SLC26A3: variants seen among roughly 807,000 people sequenced by gnomAD.
SLC26A3 encodes chloride anion exchanger.
A neutral mutation model predicts 85.6 loss-of-function variants in SLC26A3; 64 were observed. That is an observed-to-expected ratio of 0.75 (90% confidence interval 0.61 to 0.92). The LOEUF (loss-of-function observed/expected upper bound fraction) is 0.92. Ranked by LOEUF, SLC26A3 falls within the 40% of genes least tolerant of loss-of-function variation. The pLI is 0.00. For synonymous variants in SLC26A3, 349 were observed against 336.0 expected (o/e 1.04, Z -0.42); for missense variants, 922 against 927.3 (o/e 0.99, Z 0.07).
Position 107,789,630 on chromosome 7 carries a change from A to T in SLC26A3, c.629T>A (p.Ile210Asn). 6.2e-7 allele frequency: 1 copy of T among 1,614,076 alleles called. No individual in the cohort carries two copies. Among genetic ancestry groups the T allele is most frequent in the South Asian group, 1.1e-5 (1 of 91,066 alleles). Reference protein sequence around the residue: ...FVVIYLSESLISGFTTAAAVH... With the variant: ...FVVIYLSESLNSGFTTAAAVH... The stretch of plus-strand genomic sequence containing the variant: ...AGCAGCAGCAGTAGTGAAGCCACTG[A>T]TGAGGGACTCAGACAGGTATATCAC... Residue 210 changes from isoleucine (I) to asparagine (N), a missense_variant, in exon 6 of 21, where the codon ATC becomes AAC. Transcript: ENST00000340010.
At chr7:107,774,748 A>C in intron 16 of SLC26A3, 29 bp downstream of exon 16, 1 of 1,493,564 alleles carries the variant, frequency 6.7e-7, no homozygotes, top group Non-Finnish European at 9.3e-7. Context: ...TTTAGCTATA[A>C]TGCATAGAAA....
intron 18 of SLC26A3, among the ~76,000 whole-genome samples, chr7:107,770,957 C>T (rs1794020615): frequency 1.3e-5 from 2 of 152,160 alleles, no homozygotes; most frequent in African/African-American, 2.4e-5. Flanking sequence ...GGAAAAATTC[C>T]TGAAGAAGGC....
chr7:107,793,585 G>A (rs571488011), intron 3 of SLC26A3, among the ~76,000 whole-genome samples, 157 bp downstream of exon 3: 66 of 152,154 alleles, frequency 4.3e-4, no homozygotes, highest in Non-Finnish European at 7.3e-4. Flanking sequence ...AAGTTAATGG[G>A]TAAGGGATTT....
intron 18 of SLC26A3, among the ~76,000 whole-genome samples, chr7:107,771,273 G>A (rs561980797): frequency 3.3e-5 from 5 of 152,264 alleles, no homozygotes; most frequent in Admixed American, 2.6e-4. Flanking sequence ...TTCTAAAAGC[G>A]TGTATCTGAG....
chr7:107,786,282 G>A (rs775474046), intron 8 of SLC26A3, among the ~76,000 whole-genome samples: 2 of 152,082 alleles, frequency 1.3e-5, no homozygotes, highest in African/African-American at 4.8e-5. Flanking sequence ...TCTTTAAGAG[G>A]AGAAGCAGTT....
Position 107,779,720 on chromosome 7 carries a change from A to G in SLC26A3, c.1355T>C (p.Leu452Pro). 1.2e-6 allele frequency: 2 copies of G among 1,614,104 alleles called. No individual in the cohort carries two copies. Among genetic ancestry groups the G allele is most frequent in the Non-Finnish European group, 1.7e-6 (2 of 1,179,968 alleles). Residue 452 changes from leucine (L) to proline (P), a missense_variant, in exon 12 of 21, where the codon CTG becomes CCG. By Grantham distance (98) the Leu-to-Pro change is moderately conservative. Coordinates refer to ENST00000340010, the MANE Select transcript of SLC26A3 (RefSeq NM_000111.3). Reference sequence around the variant, plus strand: ...TCTGCCTATTTCAGCAAACTGCATCAGCATTCCCTTTAAGTTTCCCAATGC... The same window carrying G: ...TCTGCCTATTTCAGCAAACTGCATCGGCATTCCCTTTAAGTTTCCCAATGC... ...ALALGNLKGMLMQFAEIGRLW... is the reference protein window; with the variant it reads ...ALALGNLKGMPMQFAEIGRLW...
chr7:107,786,874 G>A lies in SLC26A3; in HGVS notation c.924C>T (p.Asp308=), dbSNP rs906309444. The A allele has an allele frequency of 6.2e-7, 1 of 1,614,112 alleles. No individual in the cohort carries two copies. Among genetic ancestry groups the A allele is most frequent in the East Asian group, 2.2e-5 (1 of 44,882 alleles). The change falls in exon 8 of 21, where the codon GAC becomes GAT. Residue 308 remains aspartate (D), a synonymous_variant. Coordinates refer to ENST00000340010, the MANE Select transcript of SLC26A3 (RefSeq NM_000111.3). ...CAGCCACTTTAAACCTGTTTTTAAA[G>A]TCACAGCCGTAGGATACACCTGCTG... ...VIAAGVSYGC[D]FKNRFKVAVV...
At chr7:107,772,419 C>A (rs1477918136) in intron 17 of SLC26A3, among the ~76,000 whole-genome samples, 1 of 152,148 alleles carries the variant, frequency 6.6e-6, no homozygotes, top group Non-Finnish European at 1.5e-5. Flanking sequence ...ATAGTGTCTT[C>A]TTTGGGATGA....
chr7:107,768,669 A>G (rs1271917478), intron 18 of SLC26A3, among the ~76,000 whole-genome samples: 5 of 152,154 alleles, frequency 3.3e-5, no homozygotes, highest in Admixed American at 3.3e-4. Flanking sequence ...TTCCCAGCAC[A>G]TAGTATGTCT....
In SLC26A3 at chr7:107,774,035, C is replaced by T; in HGVS notation, c.1892G>A (p.Trp631Ter). ...AATGTTGAGAGGAAGATCATCATTC[C>T]AGTCAATGTGGAAAGGCAGGTCTGT... ...NTTDLPFHID[W>*]NDDLPLNIEV... The change falls in exon 17 of 21, where the codon TGG (tryptophan) becomes TAG (stop). Residue 631 changes from tryptophan to a stop codon, truncating the protein, a stop_gained. Coordinates refer to ENST00000340010, the MANE Select transcript of SLC26A3 (RefSeq NM_000111.3). LOFTEE classifies it high-confidence loss of function. 6.2e-7 allele frequency: 1 copy of T among 1,614,136 alleles called. No homozygotes were observed. Among genetic ancestry groups the T allele is most frequent in the Non-Finnish European group, 8.5e-7 (1 of 1,179,980 alleles).
At position 107,779,742 on chromosome 7, in the gene SLC26A3, A is replaced by G. The variant is rs777524692; in HGVS notation, c.1333T>C (p.Leu445=). The G allele has an allele frequency of 1.3e-5, 21 of 1,613,848 alleles. No individual in the cohort carries two copies. Among genetic ancestry groups the G allele is most frequent in the Non-Finnish European group, 1.7e-5 (20 of 1,179,918 alleles). Reference sequence around the variant, plus strand: ...ATCAGCATTCCCTTTAAGTTTCCCAATGCTAAAGCTGCCAGGACGGACTGT... The same window carrying G: ...ATCAGCATTCCCTTTAAGTTTCCCAGTGCTAAAGCTGCCAGGACGGACTGT... The part of the protein sequence containing the change: ...LQKSVLAALA[L]GNLKGMLMQF... The change falls in exon 12 of 21, where the codon TTG becomes CTG. Residue 445 remains leucine, a synonymous_variant. Transcript: ENST00000340010.
intron 20 of SLC26A3, among the ~76,000 whole-genome samples, chr7:107,766,352 C>G (rs1038057719): frequency 3.3e-5 from 5 of 152,148 alleles, no homozygotes; most frequent in Non-Finnish European, 7.4e-5. Context: ...TATTCCTACC[C>G]TTTATCCTCC....
In SLC26A3 at chr7:107,783,086, A is replaced by G. The variant is rs1183066360; in HGVS notation, c.1127T>C (p.Ile376Thr). The change falls in exon 10 of 21, where the codon ATA becomes ACA. Residue 376 changes from isoleucine to threonine, a missense_variant. Ile to Thr is a moderately conservative substitution (Grantham distance 89). Coordinates refer to ENST00000340010, the MANE Select transcript of SLC26A3 (RefSeq NM_000111.3). Reference sequence around the variant, plus strand: ...GACTATGTTACCCAGTCCCAAGGCTATTAACTCCTGACAGGAAGACAAGAA... The same window carrying G: ...GACTATGTTACCCAGTCCCAAGGCTGTTAACTCCTGACAGGAAGACAAGAA... ...DYPLDGNQEL[I>T]ALGLGNIVCG... 1 of 1,614,118 alleles carries G rather than the reference A, an allele frequency of 6.2e-7. No homozygotes were observed.
At chr7:107,795,910 A>G (rs968127719) in intron 1 of SLC26A3, among the ~76,000 whole-genome samples, 2 of 151,958 alleles carry the variant, frequency 1.3e-5, no homozygotes, top group African/African-American at 4.8e-5. Context: ...CAGGAATCAG[A>G]TGCTGGCCTC....
chr7:107,779,441 G>A (rs1199603268), intron 12 of SLC26A3, among the ~76,000 whole-genome samples: 1 of 152,114 alleles, frequency 6.6e-6, no homozygotes, highest in Non-Finnish European at 1.5e-5. Context: ...GTTTCATGGA[G>A]CCCATTCTTT....
In SLC26A3 at chr7:107,765,756, A is replaced by G; in HGVS notation, c.*99T>C. 1.1e-6 allele frequency: 1 copy of G among 916,762 alleles called. No individual in the cohort carries two copies. The highest frequency in any genetic ancestry group is 1.8e-6 in the Non-Finnish European group (1 of 557,900). 56.8% of individuals were successfully genotyped at this position (916,762 alleles called of 1,614,324 possible). The stretch of plus-strand genomic sequence containing the variant: ...AAGTTTGAAACATATTCTGTCAAAA[A>G]TACTCTTCGTACAATGTATGAACTT... On this transcript the variant is annotated 3_prime_UTR_variant, in exon 21 of 21. Coordinates refer to ENST00000340010, the MANE Select transcript of SLC26A3 (RefSeq NM_000111.3).
rs572252423 is a variant in SLC26A3, at chr7:107,781,812, G to A, written c.1311+985C>T. On this transcript the variant is annotated intron_variant, in intron 11 of 20. Coordinates refer to ENST00000340010, the MANE Select transcript of SLC26A3 (RefSeq NM_000111.3). ...ACAAGGAAAAAAGGCCTAGGTAACA[G>A]CCAATAGACATTTGTGGGCTGTATC... is the stretch of plus-strand genomic sequence containing the variant. Among the ~76,000 whole-genome samples, 9 of 152,202 alleles carry A rather than the reference G, an allele frequency of 5.9e-5. No homozygotes were observed. In the South Asian group the frequency reaches 1.2e-3, roughly 21 times the overall value.
chr7:107,796,841 G>GA (rs796089766), intron 1 of SLC26A3, among the ~76,000 whole-genome samples: 64 of 143,990 alleles, frequency 4.4e-4, no homozygotes, highest in Admixed American at 7.6e-4. Flanking sequence ...CTATGGCCAG[G>GA]AAAAAAAAAA....
At chr7:107,771,668 C>T (rs1315516143) in intron 18 of SLC26A3, among the ~76,000 whole-genome samples, 3 of 152,122 alleles carry the variant, frequency 2.0e-5, no homozygotes, top group African/African-American at 4.8e-5. Flanking sequence ...ATCTGGACAT[C>T]GCTGATAACC....
Sources: allele counts gnomAD v4.1 joint callset (sites outside exome capture counted in the v4.1 genomes callset), GRCh38; gene constraint gnomAD v4.1.1; transcripts MANE v1.5; gene names NCBI Gene and HGNC (gene_info 2026-07-23, HGNC 2026-07-21).